Variants in COA1 observed in about 807,000 individuals in gnomAD.
COA1 encodes cytochrome c oxidase assembly factor 1 homolog.
Under a neutral mutation model 16.0 loss-of-function variants are expected in COA1, and 13 were observed. That is an observed-to-expected ratio of 0.81 (90% confidence interval 0.53 to 1.29). The LOEUF (loss-of-function observed/expected upper bound fraction) is 1.29. Among genes scored for constraint, COA1 ranks in the 50% most tolerant of loss-of-function variants. The pLI is 0.00. For missense variants in COA1, 179 were observed against 177.0 expected (o/e 1.01, Z -0.06); for synonymous variants, 65 against 65.7 (o/e 0.99, Z 0.05).
At chr7:43,615,174 T>TTTTG (rs376400960) in intron 6 of COA1, among the ~76,000 whole-genome samples, 19 of 152,090 alleles carry the variant, frequency 1.2e-4, no homozygotes, top group Admixed American at 3.9e-4. Context: ...TTGTTTTGTT[T>TTTTG]TTTGTTTGTT....
chr7:43,678,487 T>C (rs1022063686), intron 1 of COA1, among the ~76,000 whole-genome samples: 1 of 152,182 alleles, frequency 6.6e-6, no homozygotes, highest in Non-Finnish European at 1.5e-5. Flanking sequence ...AAAACTGGAC[T>C]ACATCGAAAC....
intron 1 of COA1, among the ~76,000 whole-genome samples, chr7:43,655,264 C>A (rs993388582): frequency 6.6e-6 from 1 of 152,136 alleles, no homozygotes; most frequent in African/African-American, 2.4e-5. Context: ...AGTACTAGTA[C>A]CCCATCTCTA....
At chr7:43,706,149 A>C (rs1327532044) in intron 1 of COA1, among the ~76,000 whole-genome samples, 1 of 152,216 alleles carries the variant, frequency 6.6e-6, no homozygotes, top group Non-Finnish European at 1.5e-5. Flanking sequence ...GAATAAAAGT[A>C]AAGTTTTCAT....
chr7:43,662,114 G>A (rs1367444321), intron 1 of COA1, among the ~76,000 whole-genome samples: 1 of 152,138 alleles, frequency 6.6e-6, no homozygotes, highest in African/African-American at 2.4e-5. Context: ...GCCAAGTTTT[G>A]GTGTTGTATC....
rs200256672 is a variant in COA1, at chr7:43,656,350, T to G, written c.-38-7698A>C. Among the ~76,000 whole-genome samples the G allele has an allele frequency of 1.1e-4, 16 of 152,324 alleles. No individual in the cohort carries two copies. In the East Asian group the frequency reaches 2.9e-3, roughly 27 times the overall value. ...AAGAAAGACTTAAAAATAGAAGACT[T>G]GGAACATTCAAACAAACACAAGGAG... On this transcript the variant is annotated intron_variant, in intron 1 of 5. Coordinates refer to ENST00000223336, the MANE Select transcript of COA1 (RefSeq NM_018224.4).
In COA1 at chr7:43,645,292, G is replaced by C. The variant is rs1467957232; in HGVS notation, c.223C>G (p.Leu75Val). The C allele has an allele frequency of 1.2e-6, 2 of 1,614,080 alleles. No homozygotes were observed. Among genetic ancestry groups the C allele is most frequent in the African/African-American group, 2.7e-5 (2 of 75,030 alleles). ...GPPLNIHYLK[L>V]IDRENFVDIV... Reference sequence around the variant, plus strand: ...TCCACGAAGTTTTCCCTGTCGATGAGCTTGAGATAATGGATGTTGAGAGGA... The same window carrying C: ...TCCACGAAGTTTTCCCTGTCGATGACCTTGAGATAATGGATGTTGAGAGGA... The change falls in exon 4 of 6, where the codon CTC (leucine) becomes GTC (valine). Residue 75 changes from leucine (L) to valine (V), a missense_variant. By Grantham distance (32) the Leu-to-Val change is conservative. Transcript: ENST00000223336.
intron 1 of COA1, among the ~76,000 whole-genome samples, chr7:43,664,839 T>C (rs191241334): frequency 1.3e-5 from 2 of 152,360 alleles, no homozygotes; most frequent in East Asian, 3.9e-4. Flanking sequence ...GAATATGCTA[T>C]AAAGCAGAAC....
intron 6 of COA1, chr7:43,624,520 A>G (rs2084275723): frequency 1.2e-6 from 2 of 1,610,150 alleles, no homozygotes; most frequent in Non-Finnish European, 1.7e-6. Flanking sequence ...CTTTACAGAG[A>G]TCGAGCCACT....
intron 6 of COA1, chr7:43,623,310 T>C (rs1010075654): frequency 5.2e-6 from 2 of 385,080 alleles, no homozygotes; most frequent in Non-Finnish European, 9.3e-6. Context: ...CAGTTTATGT[T>C]TGGTGTTTTT....
chr7:43,639,698 G>C lies in COA1; in HGVS notation c.342-17C>G. ...AGGTGCCACCTGAGAGAAACCAAAA[G>C]TATAGTATCTCTAATCTATGAAGGC... On this transcript the variant is annotated splice_polypyrimidine_tract_variant and intron_variant, in intron 5 of 5. Coordinates refer to ENST00000223336, the MANE Select transcript of COA1 (RefSeq NM_018224.4). 1 of 1,587,390 alleles carries C rather than the reference G, an allele frequency of 6.3e-7. No homozygotes were observed. The highest frequency in any genetic ancestry group is 1.7e-5 in the Admixed American group (1 of 59,948).
chr7:43,693,107 A>G (rs2131087123), intron 1 of COA1, among the ~76,000 whole-genome samples: 1 of 152,278 alleles, frequency 6.6e-6, no homozygotes, highest in Non-Finnish European at 1.5e-5. Flanking sequence ...CTGGCTCTCC[A>G]CTGCAGCCTT....
intron 3 of COA1, 94 bp downstream of exon 3, chr7:43,647,441 A>C (rs775139319): frequency 2.2e-6 from 2 of 904,706 alleles, no homozygotes; most frequent in South Asian, 1.3e-5. Flanking sequence ...TCCTTTCTCT[A>C]ATCTAAACAA....
chr7:43,633,589 A>T (rs1228423821), intron 6 of COA1, among the ~76,000 whole-genome samples: 1 of 152,196 alleles, frequency 6.6e-6, no homozygotes, highest in Admixed American at 6.5e-5. Flanking sequence ...AAAAGTCTGA[A>T]GTATTGTGAG....
downstream of COA1, among the ~76,000 whole-genome samples, chr7:43,636,259 G>A (rs1028319212): frequency 2.0e-5 from 3 of 152,146 alleles, no homozygotes; most frequent in Admixed American, 6.6e-5. Context: ...AACCAGGAGC[G>A]CATTACTAAG....
intron 1 of COA1, among the ~76,000 whole-genome samples, chr7:43,728,306 G>A (rs1007966403): frequency 6.6e-6 from 1 of 152,166 alleles, no homozygotes. Flanking sequence ...TGAACTATGT[G>A]TCAGGAAGCT....
chr7:43,709,844 C>G (rs745445573), intron 1 of COA1, among the ~76,000 whole-genome samples: 1 of 152,058 alleles, frequency 6.6e-6, no homozygotes, highest in Non-Finnish European at 1.5e-5. Flanking sequence ...TAAAAAATAT[C>G]ATAAAGCCAG....
At chr7:43,641,333 A>AC (rs891891417) in intron 4 of COA1, 6 of 151,040 alleles carry the variant, frequency 4.0e-5, no homozygotes, top group African/African-American at 1.5e-4. Context: ...AAAAAAAAAA[A>AC]CCAGGAACCA....
chr7:43,639,579 T>A lies in COA1; in HGVS notation c.*3A>T. ...GAAGCAAGCTGGGTCTTCTGGGTCG[T>A]CTCTACTCCTTTTTCACTTCATCAC... is the stretch of plus-strand genomic sequence containing the variant. On this transcript the variant is annotated 3_prime_UTR_variant, in exon 6 of 6. Coordinates refer to ENST00000223336, the MANE Select transcript of COA1 (RefSeq NM_018224.4). The A allele has an allele frequency of 6.2e-7, 1 of 1,612,802 alleles. No homozygotes were observed. The highest frequency in any genetic ancestry group is 8.5e-7 in the Non-Finnish European group (1 of 1,178,918).
chr7:43,619,298 C>T (rs2083630844), intron 6 of COA1, among the ~76,000 whole-genome samples: 1 of 152,096 alleles, frequency 6.6e-6, no homozygotes, highest in African/African-American at 2.4e-5. Context: ...TAGGAGCAAG[C>T]GTGCTGCATG....
Sources: gnomAD v4.1 joint callset for allele counts (sites outside exome capture counted in the v4.1 genomes callset) on GRCh38, gnomAD v4.1.1 for gene constraint, MANE v1.5 for transcripts, NCBI Gene and HGNC (gene_info 2026-07-23, HGNC 2026-07-21) for gene names.